The following CEP128 variants were observed in gnomAD, a reference collection of about 807,000 sequenced individuals.
CEP128 encodes centrosomal protein 128, also known as centrosomal protein 128kDa.
CEP128 carries 132 observed loss-of-function variants against 156.7 expected under a neutral mutation model. The observed-to-expected ratio is 0.84, with a 90% CI of 0.73 to 0.97. The LOEUF (loss-of-function observed/expected upper bound fraction) is 0.97. Ranked by LOEUF, CEP128 falls within the 50% of genes least tolerant of loss-of-function variation. The pLI is 0.00. For synonymous variants in CEP128, 469 were observed against 448.9 expected, an observed-to-expected ratio of 1.04 and a Z score of -0.57; for missense variants, 1,252 against 1,281.9, an observed-to-expected ratio of 0.98 and a Z score of 0.36.
At chr14:80,896,769 C>T (rs1336821010) in intron 7 of CEP128, among the ~76,000 whole-genome samples, 1 of 151,956 alleles carries the variant, frequency 6.6e-6, no homozygotes, top group Non-Finnish European at 1.5e-5. Context: ...TGATATTTTC[C>T]TCCCACTTCT....
intron 8 of CEP128, among the ~76,000 whole-genome samples, chr14:80,891,313 T>C (rs1435514057): frequency 2.0e-5 from 3 of 152,054 alleles, no homozygotes; most frequent in Non-Finnish European, 2.9e-5. Flanking sequence ...TAAGTGTCCA[T>C]TGACAGAAGA....
At chr14:80,541,341 A>C (rs751392730) in intron 21 of CEP128, among the ~76,000 whole-genome samples, 1 of 151,296 alleles carries the variant, frequency 6.6e-6, no homozygotes, top group African/African-American at 2.4e-5. Flanking sequence ...CTAAGGAAAA[A>C]AGTAGATATG....
chr14:80,924,186 T>C (rs140241560), intron 2 of CEP128, among the ~76,000 whole-genome samples: 2 of 152,340 alleles, frequency 1.3e-5, no homozygotes, highest in East Asian at 1.9e-4. Flanking sequence ...CTTATCCTTC[T>C]AGTGAAAAAG....
At chr14:80,559,916 C>T (rs1000753324) in intron 20 of CEP128, among the ~76,000 whole-genome samples, 2 of 152,134 alleles carry the variant, frequency 1.3e-5, no homozygotes, top group Non-Finnish European at 2.9e-5. Flanking sequence ...TCATTGATAA[C>T]GATGCATCAA....
At chr14:80,653,286 A>G (rs1894988702) in intron 19 of CEP128, among the ~76,000 whole-genome samples, 1 of 152,134 alleles carries the variant, frequency 6.6e-6, no homozygotes, top group Admixed American at 6.6e-5. Context: ...ATACCTATGT[A>G]ACAAACCTGC....
chr14:80,838,148 G>A (rs1487084223), intron 11 of CEP128, 56 bp downstream of exon 11: 25 of 1,196,540 alleles, frequency 2.1e-5, no homozygotes, highest in Non-Finnish European at 3.1e-5. Context: ...TTTAAATAGA[G>A]CTACTCAATC....
At position 80,768,250 on chromosome 14, in the gene CEP128, G is replaced by A. The variant is rs79240155; in HGVS notation, c.2377-6637C>T. On this transcript the variant is annotated intron_variant, in intron 16 of 24. Transcript: ENST00000555265. Reference sequence around the variant, plus strand: ...TGAGGACAATCACCTTGTCAGTGGCGAGGCTATTGTAACTATCAAGACAAG... The same window carrying A: ...TGAGGACAATCACCTTGTCAGTGGCAAGGCTATTGTAACTATCAAGACAAG... Among the ~76,000 whole-genome samples, 829 of 152,242 alleles carry A rather than the reference G, an allele frequency of 5.4e-3. 9 individuals carry two copies. The highest frequency in any genetic ancestry group is 0.019 in the African/African-American group (790 of 41,544).
At chr14:80,553,398 A>G (rs574348365) in intron 21 of CEP128, among the ~76,000 whole-genome samples, 170 of 152,276 alleles carry the variant, frequency 1.1e-3, no homozygotes, top group African/African-American at 3.8e-3. Context: ...ATCTATGGAA[A>G]AGTTCATCCT....
At chr14:80,905,262 C>G (rs1883818586) in intron 5 of CEP128, among the ~76,000 whole-genome samples, 2 of 151,826 alleles carry the variant, frequency 1.3e-5, no homozygotes, top group African/African-American at 4.8e-5. Context: ...CTTAATATAA[C>G]TTAATACTAA....
In CEP128 at chr14:80,761,454, A is replaced by G. The variant is rs762831918; in HGVS notation, c.2536T>C (p.Ser846Pro). The change falls in exon 17 of 25, where the codon TCA becomes CCA. Residue 846 changes from serine (S) to proline (P), a missense_variant. Transcript: ENST00000555265. Reference sequence around the variant, plus strand: ...ATAATTACTTTTAATTTCTCCACTGAGTCCTTGGAGAATGTTTTACAAGCT... The same window carrying G: ...ATAATTACTTTTAATTTCTCCACTGGGTCCTTGGAGAATGTTTTACAAGCT... Reference protein sequence around the residue: ...DAACKTFSKDSVEKLKVFSSG... With the variant: ...DAACKTFSKDPVEKLKVFSSG... 13 of 1,604,264 alleles carry G rather than the reference A, an allele frequency of 8.1e-6. No individual in the cohort carries two copies. The highest frequency in any genetic ancestry group is 1.1e-5 in the Non-Finnish European group (13 of 1,173,548).
intron 2 of CEP128, among the ~76,000 whole-genome samples, chr14:80,956,220 A>G (rs1886671861): frequency 6.6e-6 from 1 of 152,204 alleles, no homozygotes; most frequent in Non-Finnish European, 1.5e-5. Flanking sequence ...TTTTGATCTT[A>G]CCTTGGGTAA....
intron 12 of CEP128, among the ~76,000 whole-genome samples, chr14:80,833,146 T>C (rs1334522809): frequency 6.6e-6 from 1 of 152,050 alleles, no homozygotes; most frequent in Non-Finnish European, 1.5e-5. Context: ...ATGTATTTGT[T>C]TATTTTATAA....
At chr14:80,909,471 A>G (rs1385030567) in intron 4 of CEP128, among the ~76,000 whole-genome samples, 1 of 152,122 alleles carries the variant, frequency 6.6e-6, no homozygotes, top group East Asian at 1.9e-4. Flanking sequence ...TTAAAGAACA[A>G]GAGAAGTGAA....
chr14:80,579,654 C>G (rs1891504978), intron 20 of CEP128, among the ~76,000 whole-genome samples: 1 of 152,164 alleles, frequency 6.6e-6, no homozygotes, highest in Non-Finnish European at 1.5e-5. Context: ...ATGAAGAACT[C>G]TAAATGTCCA....
rs1895355831 is a variant in CEP128, at chr14:80,660,546, A to G, written c.2807-80123T>C. Among the ~76,000 whole-genome samples the G allele has an allele frequency of 3.3e-5, 5 of 152,202 alleles. No individual in the cohort carries two copies. The South Asian group carries it at 1.0e-3, about 31-fold the overall frequency. ...TACAGCCTACATCATATTTGGGTAT[A>G]GACAGACGCATGCTAAACAGCAACT... On this transcript the variant is annotated intron_variant, in intron 19 of 24. Transcript: ENST00000555265.
At chr14:80,788,462 CAG>C (rs948351396) in intron 14 of CEP128, among the ~76,000 whole-genome samples, 1 of 151,936 alleles carries the variant, frequency 6.6e-6, no homozygotes, top group Non-Finnish European at 1.5e-5. Context: ...AACAAACAAA[CAG>C]AAACGAACAA....
intron 6 of CEP128, among the ~76,000 whole-genome samples, chr14:80,901,754 T>G (rs1442133937): frequency 6.6e-6 from 1 of 152,196 alleles, no homozygotes; most frequent in Non-Finnish European, 1.5e-5. Flanking sequence ...TAAAATGCTT[T>G]TAATTCTACC....
chr14:80,738,680 A>G lies in CEP128; in HGVS notation c.2806+4395T>C, dbSNP rs577331957. On this transcript the variant is annotated intron_variant, in intron 19 of 24. Transcript: ENST00000555265. ...ATTCGAGTAACTTTTATTATACTAT[A>G]TTGTTATAATTGTTCTATTTTATTA... Among the ~76,000 whole-genome samples the G allele has an allele frequency of 7.9e-5, 12 of 152,216 alleles. No individual in the cohort carries two copies. In the South Asian group the frequency reaches 2.5e-3, roughly 32 times the overall value.
intron 13 of CEP128, among the ~76,000 whole-genome samples, chr14:80,826,403 T>C (rs555800388): frequency 2.0e-4 from 31 of 152,268 alleles, no homozygotes; most frequent in African/African-American, 7.5e-4. Context: ...AGAAATGAAG[T>C]TGAACATGAA....
Sources: gnomAD v4.1 joint callset for allele counts (sites outside exome capture counted in the v4.1 genomes callset) on GRCh38, gnomAD v4.1.1 for gene constraint, MANE v1.5 for transcripts, NCBI Gene and HGNC (gene_info 2026-07-23, HGNC 2026-07-21) for gene names.